SCAPER: variants seen among roughly 807,000 people sequenced by gnomAD.
The protein encoded by SCAPER is S-phase cyclin A associated protein in the ER.
A neutral mutation model predicts 182.2 loss-of-function variants in SCAPER; 98 were observed. The observed-to-expected ratio is 0.54, with a 90% CI of 0.46 to 0.64. SCAPER has a LOEUF of 0.64. SCAPER is among the 30% of genes least tolerant of loss of function. SCAPER has a pLI of 0.00. For synonymous variants in SCAPER, 605 were observed against 564.6 expected, an observed-to-expected ratio of 1.07 and a Z score of -1.01; for missense variants, 1,432 against 1,690.0, an observed-to-expected ratio of 0.85 and a Z score of 2.68.
intron 5 of SCAPER, among the ~76,000 whole-genome samples, chr15:76,813,249 A>AAAAAAAAC (rs2066805442): frequency 6.6e-5 from 4 of 60,188 alleles, no homozygotes; most frequent in South Asian, 6.0e-4. Context: ...AAAAAAAAAA[A>AAAAAAAAC]AAAAAACAAC....
chr15:76,573,856 A>G (rs934167687), intron 23 of SCAPER, among the ~76,000 whole-genome samples: 3 of 152,122 alleles, frequency 2.0e-5, no homozygotes, highest in African/African-American at 7.2e-5. Context: ...TTTCTGCCAT[A>G]AAGTCATACA....
chr15:76,856,527 ATTT>A (rs1568350153), intron 4 of SCAPER, among the ~76,000 whole-genome samples: 1 of 150,986 alleles, frequency 6.6e-6, no homozygotes, highest in Non-Finnish European at 1.5e-5. Flanking sequence ...ATATGTATAT[ATTT>A]TTAACTTTTT....
intron 31 of SCAPER, chr15:76,349,070 C>G (rs1052262294): frequency 6.1e-6 from 1 of 164,126 alleles, no homozygotes; most frequent in African/African-American, 2.4e-5. Context: ...GCCTGTAGTC[C>G]CAGCTATTTG....
At chr15:76,690,023 C>T (rs1048972690) in intron 20 of SCAPER, among the ~76,000 whole-genome samples, 59 of 151,850 alleles carry the variant, frequency 3.9e-4, no homozygotes, top group African/African-American at 1.4e-3. Context: ...ATAGATAGTC[C>T]TCCTCTGGAA....
At chr15:76,719,933 T>C (rs1255163753) in intron 17 of SCAPER, among the ~76,000 whole-genome samples, 1 of 152,128 alleles carries the variant, frequency 6.6e-6, no homozygotes. Flanking sequence ...CTTTTTTTTT[T>C]TAATTATTAT....
At chr15:76,822,274 G>A (rs2067638723) in intron 5 of SCAPER, among the ~76,000 whole-genome samples, 1 of 152,026 alleles carries the variant, frequency 6.6e-6, no homozygotes, top group Non-Finnish European at 1.5e-5. Context: ...GGGTTATATG[G>A]AAAATCTCTA....
At position 76,471,305 on chromosome 15, in the gene SCAPER, G is replaced by A; in HGVS notation, c.2985C>T (p.Asn995=). The A allele has an allele frequency of 6.2e-7, 1 of 1,610,990 alleles. No individual in the cohort carries two copies. Among genetic ancestry groups the A allele is most frequent in the Non-Finnish European group, 8.5e-7 (1 of 1,178,548 alleles). The change falls in exon 25 of 32, where the codon AAC becomes AAT. Residue 995 remains asparagine (N), a synonymous_variant. Transcript: ENST00000563290. The part of the protein sequence containing the change: ...KSLCNAINVY[N]LTCNNCSENC... ...TTTCTGAACAGTTATTGCAGGTGAG[G>A]TTGTAAACATTGATTGCATTGCAGA...
chr15:76,696,625 C>A (rs2058668976), intron 20 of SCAPER, among the ~76,000 whole-genome samples: 1 of 152,102 alleles, frequency 6.6e-6, no homozygotes, highest in South Asian at 2.1e-4. Flanking sequence ...ATGCTTGCTA[C>A]ATGCTTGCTA....
intron 3 of SCAPER, among the ~76,000 whole-genome samples, chr15:76,859,484 C>T (rs941122184): frequency 6.6e-6 from 1 of 152,214 alleles, no homozygotes; most frequent in Non-Finnish European, 1.5e-5. Context: ...AGAAATAATA[C>T]AAAGCAGAGA....
chr15:76,488,465 T>A (rs2051883009), intron 24 of SCAPER, among the ~76,000 whole-genome samples: 1 of 152,114 alleles, frequency 6.6e-6, no homozygotes, highest in African/African-American at 2.4e-5. Context: ...TTTCCACTAA[T>A]TTTTTTGTCA....
intron 26 of SCAPER, among the ~76,000 whole-genome samples, chr15:76,430,440 C>G (rs1295443490): frequency 6.6e-6 from 1 of 152,244 alleles, no homozygotes; most frequent in East Asian, 1.9e-4. Context: ...GGGCTATACC[C>G]TACAAAGTCA....
intron 25 of SCAPER, among the ~76,000 whole-genome samples, chr15:76,455,742 T>C (rs149398150): frequency 1.3e-5 from 2 of 152,310 alleles, no homozygotes; most frequent in Non-Finnish European, 2.9e-5. Context: ...CGTGCCGTGG[T>C]GGTTTGCTGC....
chr15:76,891,362 A>G (rs1296841245), intron 1 of SCAPER, among the ~76,000 whole-genome samples: 1 of 152,230 alleles, frequency 6.6e-6, no homozygotes, highest in African/African-American at 2.4e-5. Flanking sequence ...TTCAATTAGG[A>G]AGAGAGGAAG....
intron 25 of SCAPER, among the ~76,000 whole-genome samples, chr15:76,468,703 T>G (rs575817099): frequency 6.6e-6 from 1 of 152,286 alleles, no homozygotes; most frequent in East Asian, 1.9e-4. Flanking sequence ...CAGGCTGCTA[T>G]CATATCATTT....
At chr15:76,873,056 C>T (rs1431428624) in intron 2 of SCAPER, among the ~76,000 whole-genome samples, 1 of 149,512 alleles carries the variant, frequency 6.7e-6, no homozygotes, top group Non-Finnish European at 1.5e-5. Context: ...TCAAGACCAG[C>T]CTGGGCAATA....
chr15:76,591,465 T>C (rs1367356396), intron 22 of SCAPER, among the ~76,000 whole-genome samples: 2 of 152,196 alleles, frequency 1.3e-5, no homozygotes, highest in Non-Finnish European at 2.9e-5. Flanking sequence ...TCTTTTAATA[T>C]ATCTACATAT....
intron 21 of SCAPER, among the ~76,000 whole-genome samples, chr15:76,662,482 T>C (rs2146714462): frequency 6.6e-6 from 1 of 152,290 alleles, no homozygotes; most frequent in Admixed American, 6.5e-5. Context: ...GGACTTCTAC[T>C]TTATTTGAAG....
intron 20 of SCAPER, among the ~76,000 whole-genome samples, chr15:76,666,118 G>C (rs1466950654): frequency 6.6e-6 from 1 of 152,136 alleles, no homozygotes; most frequent in East Asian, 1.9e-4. Flanking sequence ...AAGCCAATCA[G>C]AGATTTAGAG....
chr15:76,725,849 C>T (rs891605501), intron 17 of SCAPER, among the ~76,000 whole-genome samples: 1 of 151,134 alleles, frequency 6.6e-6, no homozygotes, highest in Non-Finnish European at 1.5e-5. Context: ...CTAAAACTAT[C>T]CAAGATCTAA....
Sources: allele counts gnomAD v4.1 joint callset (sites outside exome capture counted in the v4.1 genomes callset), GRCh38; gene constraint gnomAD v4.1.1; transcripts MANE v1.5; gene names NCBI Gene and HGNC (gene_info 2026-07-23, HGNC 2026-07-21).